Variants in LAMA2 observed in about 807,000 individuals in gnomAD.
The protein encoded by LAMA2 is laminin subunit alpha 2, also known as laminin subunit alpha-2.
LAMA2 carries 269 observed loss-of-function variants against 364.8 expected under a neutral mutation model. That is an observed-to-expected ratio of 0.74 (90% CI 0.67 to 0.82). The LOEUF (loss-of-function observed/expected upper bound fraction) is 0.82, where lower values mean the gene tolerates loss of function less well. Among genes scored for constraint, LAMA2 ranks in the 40% least tolerant of loss-of-function variants. The probability of loss-of-function intolerance (pLI) is 0.00; values close to 1 mark genes in which losing one functional copy is unlikely to be tolerated. For synonymous variants in LAMA2, 1,379 were observed against 1,370.6 expected (o/e 1.01, Z -0.14); for missense variants, 3,807 against 3,873.2 (o/e 0.98, Z 0.45).
chr6:129,251,948 A>G (rs962857384), intron 13 of LAMA2, 136 bp from the exon 14 acceptor site: 4 of 645,716 alleles, frequency 6.2e-6, no homozygotes, highest in Admixed American at 5.8e-5. Flanking sequence ...AAAAAAATAA[A>G]TAAATAAAAA....
chr6:129,007,336 A>T (rs747334408), intron 1 of LAMA2, among the ~76,000 whole-genome samples: 3 of 151,996 alleles, frequency 2.0e-5, no homozygotes, highest in Non-Finnish European at 2.9e-5. Flanking sequence ...GAAAACAGGG[A>T]CTCTGTCTGT....
chr6:128,984,153 G>T (rs958521094), intron 1 of LAMA2, among the ~76,000 whole-genome samples: 1 of 151,968 alleles, frequency 6.6e-6, no homozygotes, highest in Non-Finnish European at 1.5e-5. Context: ...CTTCCTTTCA[G>T]TCATTCTTGT....
At chr6:129,403,484 A>T (rs759949801) in intron 39 of LAMA2, among the ~76,000 whole-genome samples, 1 of 152,218 alleles carries the variant, frequency 6.6e-6, no homozygotes, top group Non-Finnish European at 1.5e-5. Flanking sequence ...GTAATGTAGT[A>T]CAAGTGCTCT....
intron 8 of LAMA2, among the ~76,000 whole-genome samples, chr6:129,161,612 C>T (rs1401248063): frequency 6.6e-6 from 1 of 152,114 alleles, no homozygotes; most frequent in South Asian, 2.1e-4. Context: ...TATTTTGTCA[C>T]CCAGATAATA....
chr6:129,427,633 A>T (rs1036371206), intron 40 of LAMA2, 119 bp from the exon 41 acceptor site: 58 of 747,206 alleles, frequency 7.8e-5, no homozygotes, highest in Non-Finnish European at 1.3e-4. Flanking sequence ...TTACAATTCT[A>T]TATCTGCAGC....
At chr6:128,987,930 A>T (rs1261378472) in intron 1 of LAMA2, among the ~76,000 whole-genome samples, 1 of 152,148 alleles carries the variant, frequency 6.6e-6, no homozygotes, top group Non-Finnish European at 1.5e-5. Context: ...GCTGGAGTGC[A>T]GTGGCGAGAT....
chr6:129,225,594 C>T (rs1784199830), intron 12 of LAMA2, among the ~76,000 whole-genome samples: 1 of 152,160 alleles, frequency 6.6e-6, no homozygotes, highest in African/African-American at 2.4e-5. Context: ...GTTATATACC[C>T]AGTAGTCATT....
At chr6:129,345,169 G>A (rs12660510) in intron 30 of LAMA2, among the ~76,000 whole-genome samples, 11,953 of 152,180 alleles carry the variant, frequency 0.079, 583 homozygotes, top group Admixed American at 0.14. Flanking sequence ...CAATGTCCAG[G>A]TTTTGATTTT....
chr6:128,898,382 A>T (rs999551734), intron 1 of LAMA2, among the ~76,000 whole-genome samples: 1 of 152,114 alleles, frequency 6.6e-6, no homozygotes, highest in South Asian at 2.1e-4. Flanking sequence ...CTCTTTTCCC[A>T]TCAGCTTTTC....
chr6:128,916,105 GT>G (rs1352607491), intron 1 of LAMA2, among the ~76,000 whole-genome samples: 2 of 152,018 alleles, frequency 1.3e-5, no homozygotes, highest in Non-Finnish European at 2.9e-5. Context: ...ATTGCTGCTA[GT>G]TCATCTCCGC....
chr6:129,370,717 A>C (rs1778022872), intron 34 of LAMA2, among the ~76,000 whole-genome samples: 1 of 152,224 alleles, frequency 6.6e-6, no homozygotes, highest in South Asian at 2.1e-4. Flanking sequence ...CCTGGGGATT[A>C]TCGAGTCCAC....
chr6:128,950,317 G>A (rs546702715), intron 1 of LAMA2, among the ~76,000 whole-genome samples: 2 of 152,218 alleles, frequency 1.3e-5, no homozygotes, highest in East Asian at 3.9e-4. Flanking sequence ...AAGGGTAAAG[G>A]GCACTGATTG....
chr6:129,144,097 C>T lies in LAMA2; in HGVS notation c.819+17C>T. ...ACCAGAAGAGTAAGTTATGATGAAT[C>T]ATATTAGAGCCTACAAATGATATCC... On this transcript the variant is annotated intron_variant, in intron 5 of 64. Coordinates refer to ENST00000421865, the MANE Select transcript of LAMA2 (RefSeq NM_000426.4). 2 of 1,585,776 alleles carry T rather than the reference C, an allele frequency of 1.3e-6. No individual in the cohort carries two copies. Among genetic ancestry groups the T allele is most frequent in the Non-Finnish European group, 1.7e-6 (2 of 1,155,032 alleles).
chr6:129,435,394 C>T (rs1190802579), intron 41 of LAMA2, among the ~76,000 whole-genome samples: 1 of 152,034 alleles, frequency 6.6e-6, no homozygotes, highest in African/African-American at 2.4e-5. Context: ...AGAGAGTATG[C>T]TTTTGGTAGC....
intron 12 of LAMA2, among the ~76,000 whole-genome samples, chr6:129,225,234 A>T (rs1210157203): frequency 1.3e-5 from 2 of 151,464 alleles, no homozygotes; most frequent in African/African-American, 2.4e-5. Context: ...TTTCTTCTTT[A>T]TTAGTCTTGC....
rs569326455 is a variant in LAMA2, at chr6:129,282,150, T to A, written c.2537+2003T>A. On this transcript the variant is annotated intron_variant, in intron 18 of 64. Coordinates refer to ENST00000421865, the MANE Select transcript of LAMA2 (RefSeq NM_000426.4). ...TCCCAAATTGTAGATGTTCCTGGAA[T>A]AAAGAATTCTGTGATCACATGAGTT... Among the ~76,000 whole-genome samples, 10 of 152,312 alleles carry A rather than the reference T, an allele frequency of 6.6e-5. No individual in the cohort carries two copies. In the South Asian group the frequency reaches 2.1e-3, roughly 32 times the overall value.
intron 18 of LAMA2, 48 bp from the exon 19 acceptor site, chr6:129,287,799 C>G (rs1172523796): frequency 7.0e-7 from 1 of 1,434,440 alleles, no homozygotes; most frequent in Admixed American, 1.7e-5. Flanking sequence ...AAACATTGCC[C>G]CAACTGAGGT....
At chr6:128,911,227 TCC>T (rs1777916904) in intron 1 of LAMA2, among the ~76,000 whole-genome samples, 1 of 152,044 alleles carries the variant, frequency 6.6e-6, no homozygotes, top group African/African-American at 2.4e-5. Flanking sequence ...CAGACGCCCC[TCC>T]CCCAGCCTCG....
At chr6:129,278,793 C>T (rs1455588633) in intron 17 of LAMA2, among the ~76,000 whole-genome samples, 2 of 152,094 alleles carry the variant, frequency 1.3e-5, no homozygotes, top group Non-Finnish European at 2.9e-5. Flanking sequence ...TTTAGACTTT[C>T]CACTGAGTTG....
Sources: gnomAD v4.1 joint callset for allele counts (sites outside exome capture counted in the v4.1 genomes callset) on GRCh38, gnomAD v4.1.1 for gene constraint, MANE v1.5 for transcripts, NCBI Gene and HGNC (gene_info 2026-07-23, HGNC 2026-07-21) for gene names.